SNX27: variants seen among roughly 807,000 people sequenced by gnomAD.
SNX27 encodes the protein sorting nexin-27.
Under a neutral mutation model 71.6 loss-of-function variants are expected in SNX27, and 22 were observed. The ratio of observed to expected loss-of-function variants is 0.31; its 90% CI spans 0.22 to 0.44. The LOEUF (loss-of-function observed/expected upper bound fraction) is 0.44. SNX27 is among the 20% of genes least tolerant of loss of function. The pLI is 1.00. For missense variants in SNX27, 531 were observed against 698.6 expected (o/e 0.76, Z 2.70); for synonymous variants, 269 against 277.2 (o/e 0.97, Z 0.29).
At chr1:151,638,750 A>G (rs1309398999) in intron 1 of SNX27, 138 bp from the exon 2 acceptor site, 3 of 774,754 alleles carry the variant, frequency 3.9e-6, no homozygotes, top group African/African-American at 1.8e-5. Context: ...AACATAAACA[A>G]CTTTTCTGGA....
intron 2 of SNX27, among the ~76,000 whole-genome samples, chr1:151,639,619 T>C (rs774597228): frequency 1.3e-5 from 2 of 152,226 alleles, no homozygotes; most frequent in African/African-American, 2.4e-5. Flanking sequence ...TTTGGAGATA[T>C]CCGTGTGAAT....
intron 2 of SNX27, among the ~76,000 whole-genome samples, chr1:151,642,007 C>G (rs1393668659): frequency 7.3e-6 from 1 of 137,780 alleles, no homozygotes; most frequent in Admixed American, 7.5e-5. Flanking sequence ...ATATATATAT[C>G]AGATATAGAT....
intron 1 of SNX27, among the ~76,000 whole-genome samples, chr1:151,624,409 T>TTATA (rs10577800): frequency 0.093 from 12,088 of 129,494 alleles, 633 homozygotes; most frequent in East Asian, 0.17. Flanking sequence ...TAGCTTGATT[T>TTATA]TATATATATA....
intron 1 of SNX27, among the ~76,000 whole-genome samples, chr1:151,634,865 C>T (rs910786662): frequency 6.6e-6 from 1 of 152,170 alleles, no homozygotes; most frequent in Non-Finnish European, 1.5e-5. Flanking sequence ...TGCTTAATCG[C>T]ATATGTGTTA....
chr1:151,668,964 A>G (rs1042070251), intron 7 of SNX27, among the ~76,000 whole-genome samples: 5 of 152,180 alleles, frequency 3.3e-5, no homozygotes, highest in Admixed American at 2.0e-4. Flanking sequence ...AAATAGTTCT[A>G]CACAGTTTAT....
intron 7 of SNX27, among the ~76,000 whole-genome samples, chr1:151,669,907 T>A (rs548495683): frequency 6.6e-5 from 10 of 152,268 alleles, no homozygotes; most frequent in African/African-American, 2.2e-4. Flanking sequence ...GTTATACTCT[T>A]TTAGTAATTT....
At chr1:151,643,555 A>T (rs908250931) in intron 2 of SNX27, among the ~76,000 whole-genome samples, 7 of 151,924 alleles carry the variant, frequency 4.6e-5, no homozygotes, top group African/African-American at 1.7e-4. Context: ...GGCCTCCCAA[A>T]GTGCTGAGAT....
chr1:151,639,073 C>T lies in SNX27; in HGVS notation c.497C>T (p.Ser166Leu), dbSNP rs1668605288. Residue 166 changes from serine (S) to leucine (L), a missense_variant, in exon 2 of 12, where the codon TCG becomes TTG. Coordinates refer to ENST00000458013, the MANE Select transcript of SNX27 (RefSeq NM_001330723.2). ...DYTEKQAVPI[S>L]VPRYKHVEQN... ...ACAGAAAAGCAAGCAGTGCCCATATCGGTCCCCAGATACAAACATGTGGAG... is the reference window on the plus strand; with the variant it reads ...ACAGAAAAGCAAGCAGTGCCCATATTGGTCCCCAGATACAAACATGTGGAG... 6 of 1,614,160 alleles carry T rather than the reference C, an allele frequency of 3.7e-6. No individual in the cohort carries two copies. Among genetic ancestry groups the T allele is most frequent in the African/African-American group, 1.3e-5 (1 of 75,046 alleles).
intron 2 of SNX27, among the ~76,000 whole-genome samples, chr1:151,643,820 T>C (rs1393434211): frequency 6.6e-6 from 1 of 151,784 alleles, no homozygotes; most frequent in African/African-American, 2.4e-5. Flanking sequence ...GCCAGCACGC[T>C]CGGCTAATTT....
rs148161469 is a variant in SNX27 at position 151,637,281 on chromosome 1, C to T, written c.312-1607C>T. 9.5e-3 allele frequency among the ~76,000 whole-genome samples: 1,439 copies of T among 151,672 alleles called. 31 individuals are homozygous for T. The highest frequency in any genetic ancestry group is 0.033 in the African/African-American group (1,352 of 41,362). On this transcript the variant is annotated intron_variant, in intron 1 of 11. Coordinates refer to ENST00000458013, the MANE Select transcript of SNX27 (RefSeq NM_001330723.2). ...GCAAGCTCCGCCTGCCGGGTTCACG[C>T]CATTCTCCTGCCTCAGCCTCCCAAG...
At chr1:151,690,337 C>T (rs573158639) in intron 8 of SNX27, among the ~76,000 whole-genome samples, 11 of 152,310 alleles carry the variant, frequency 7.2e-5, no homozygotes, top group African/African-American at 2.4e-4. Flanking sequence ...AAGCTCACCC[C>T]AGGGATTTTT....
Position 151,693,462 on chromosome 1 carries a change from C to T in SNX27, c.1557C>T (p.Cys519=), listed in dbSNP as rs900163200. Residue 519 remains cysteine (C), a synonymous_variant, in exon 11 of 12, where the codon TGC becomes TGT. Transcript: ENST00000458013. ...ATGAGTGCTTCGAGAGGGTGTTCTG[C>T]GAGCTCAAGTGGAGAAAAGAGGTAA... is the stretch of plus-strand genomic sequence containing the variant. The part of the protein sequence containing the change: ...YMHECFERVF[C]ELKWRKENIF... 3.1e-6 allele frequency: 5 copies of T among 1,614,012 alleles called. No individual in the cohort carries two copies. Among genetic ancestry groups the T allele is most frequent in the Non-Finnish European group, 4.2e-6 (5 of 1,179,994 alleles).
In SNX27 at chr1:151,668,022, A is replaced by G. The variant is rs188565739; in HGVS notation, c.986-450A>G. Among the ~76,000 whole-genome samples the G allele has an allele frequency of 1.1e-3, 166 of 152,216 alleles. 3 individuals are homozygous for G. In the Middle Eastern group the frequency reaches 0.014, roughly 12 times the overall value. ...GGTAATTTATAAAGAAAAAAGGTCT[A>G]TTTGTTTCATGATTCTGCTGGTTTT... On this transcript the variant is annotated intron_variant, in intron 6 of 11. Transcript: ENST00000458013.
At position 151,612,581 on chromosome 1, in the gene SNX27, C is replaced by A; in HGVS notation, c.311+69C>A. The A allele has an allele frequency of 8.6e-7, 1 of 1,160,322 alleles. No individual in the cohort carries two copies. The highest frequency in any genetic ancestry group is 2.5e-5 in the South Asian group (1 of 39,648). The allele number at this position is 1,160,322 out of a possible 1,614,324, so 71.9% of individuals were successfully genotyped here. A position where few individuals can be genotyped will look rare whatever the true frequency, so the allele number is the denominator to read the frequency against. On this transcript the variant is annotated intron_variant, in intron 1 of 11. Transcript: ENST00000458013. The surrounding 1 kb of genome is among the most constrained non-coding windows in gnomAD (Gnocchi z 5.2). ...TCCTGCCCCTGCACTCCTCGCTACC[C>A]TTGTCACCCCCAGGCCGCACCTCCC... is the stretch of plus-strand genomic sequence containing the variant.
chr1:151,619,796 G>C (rs893582327), intron 1 of SNX27, among the ~76,000 whole-genome samples: 5 of 152,158 alleles, frequency 3.3e-5, no homozygotes, highest in Non-Finnish European at 7.3e-5. Flanking sequence ...GGTTCCACAA[G>C]TAAGCACACA....
rs2102676934 is a variant in SNX27 at position 151,658,344 on chromosome 1, G to A, written c.653G>A (p.Arg218Gln). 9 of 1,614,058 alleles carry A rather than the reference G, an allele frequency of 5.6e-6. No individual in the cohort carries two copies. Among genetic ancestry groups the A allele is most frequent in the Non-Finnish European group, 7.6e-6 (9 of 1,180,010 alleles). The change falls in exon 3 of 12, where the codon CGA becomes CAA. Residue 218 changes from arginine to glutamine, a missense_variant. By Grantham distance (43) the Arg-to-Gln change is conservative. Transcript: ENST00000458013. ...KREFANFTFP[R>Q]LPGKWPFSLS... ...GAGTTTGCCAACTTTACATTTCCTCGACTCCCAGGGAAGTGGCCATTTTCA... is the reference window on the plus strand; with the variant it reads ...GAGTTTGCCAACTTTACATTTCCTCAACTCCCAGGGAAGTGGCCATTTTCA...
chr1:151,624,435 A>ATATAT (rs1278815874), intron 1 of SNX27, among the ~76,000 whole-genome samples: 2 of 109,978 alleles, frequency 1.8e-5, no homozygotes, highest in African/African-American at 6.7e-5. Flanking sequence ...ATATATATGT[A>ATATAT]TTTTTTTTTT....
At chr1:151,670,081 C>G (rs971833517) in intron 7 of SNX27, among the ~76,000 whole-genome samples, 4 of 152,172 alleles carry the variant, frequency 2.6e-5, no homozygotes, top group African/African-American at 9.7e-5. Context: ...CCATCCTACT[C>G]TCTATCTCCA....
intron 7 of SNX27, among the ~76,000 whole-genome samples, chr1:151,673,380 G>T (rs550957394): frequency 5.3e-5 from 8 of 152,008 alleles, no homozygotes; most frequent in Admixed American, 5.2e-4. Context: ...GATATTATTT[G>T]ATATTAATAA....
Sources: gnomAD v4.1 joint callset for allele counts (sites outside exome capture counted in the v4.1 genomes callset) on GRCh38, gnomAD v4.1.1 for gene constraint, Gnocchi (gnomAD v3.1) non-coding constraint, MANE v1.5 for transcripts, NCBI Gene and HGNC (gene_info 2026-07-23, HGNC 2026-07-21) for gene names.